ANGPTL6: variants seen among roughly 807,000 people sequenced by gnomAD.
ANGPTL6 encodes the protein angiopoietin-related protein 6.
In ANGPTL6, 45 loss-of-function variants were observed where a neutral mutation model predicts 47.4. That is an observed-to-expected ratio of 0.95 (90% confidence interval 0.75 to 1.22). ANGPTL6 has a LOEUF of 1.22. Ranked by LOEUF, ANGPTL6 falls within the 50% of genes most tolerant of loss-of-function variation. ANGPTL6 has a pLI of 0.00. For missense variants in ANGPTL6, 698 were observed against 669.4 expected (o/e 1.04, Z -0.47); for synonymous variants, 290 against 295.9 (o/e 0.98, Z 0.20).
chr19:10,094,929 G>A lies in ANGPTL6; in HGVS notation c.592C>T (p.Pro198Ser), dbSNP rs1422740517. 6.2e-7 allele frequency: 1 copy of A among 1,609,124 alleles called. No individual in the cohort carries two copies. Among genetic ancestry groups the A allele is most frequent in the African/African-American group, 1.3e-5 (1 of 74,760 alleles). Residue 198 changes from proline (P) to serine (S), a missense_variant, in exon 3 of 6, where the codon CCA becomes TCA. Physicochemically the swap from Pro to Ser is moderately conservative, Grantham distance 74. Transcript: ENST00000253109. ...GGAACCACAGGCACCAGTGGGGGTG[G>A]CGGCAGGACCTGGGGTGACGGAGAA... ...GAGGQQQVLP[P>S]PPLVPVVPVR...
At chr19:10,095,128 C>A (rs956376965) in intron 2 of ANGPTL6, among the ~76,000 whole-genome samples, 190 bp from the exon 3 acceptor site, 1 of 152,168 alleles carries the variant, frequency 6.6e-6, no homozygotes, top group African/African-American at 2.4e-5. Context: ...TGCAGACAGG[C>A]TGGGCGCTAT....
rs1233098220 is a variant in ANGPTL6, at chr19:10,096,386, T to TGGCGTTGGCGGCCTCG, written c.162_177dup (p.Ser60ArgfsTer158). On this transcript the variant is annotated frameshift_variant, in exon 2 of 6. Coordinates refer to ENST00000253109, the MANE Select transcript of ANGPTL6 (RefSeq NM_031917.3). LOFTEE classifies it high-confidence loss of function. ...CGCATGCGCAGCGCCGCCAGCTCGC[T>TGGCGTTGGCGGCCTCG]GGCGTTGGCGGCCTCGGGCGTCGCC... 2 of 1,301,872 alleles carry TGGCGTTGGCGGCCTCG rather than the reference T, an allele frequency of 1.5e-6. No homozygotes were observed. The highest frequency in any genetic ancestry group is 8.4e-5 in the Admixed American group (2 of 23,858). 80.6% of individuals were successfully genotyped at this position (1,301,872 alleles called of 1,614,324 possible). A position where few individuals can be genotyped will look rare whatever the true frequency, so the allele number is the denominator to read the frequency against.
At position 10,092,460 on chromosome 19, in the gene ANGPTL6, G is replaced by A. The variant is rs2088411877; in HGVS notation, c.*129C>T. On this transcript the variant is annotated 3_prime_UTR_variant, in exon 6 of 6. Transcript: ENST00000253109. ...CTGGGTCCCATTTTCAGCGCCCAGGGTCACAGATCCACAGTGGGAAGTTCT... is the reference window on the plus strand; with the variant it reads ...CTGGGTCCCATTTTCAGCGCCCAGGATCACAGATCCACAGTGGGAAGTTCT... 1 of 1,519,450 alleles carries A rather than the reference G, an allele frequency of 6.6e-7. No homozygotes were observed. The highest frequency in any genetic ancestry group is 2.1e-5 in the Admixed American group (1 of 47,090). The allele number at this position is 1,519,450 out of a possible 1,614,324, so 94.1% of individuals were successfully genotyped here. A position where few individuals can be genotyped will look rare whatever the true frequency, so the allele number is the denominator to read the frequency against.
intron 1 of ANGPTL6, among the ~76,000 whole-genome samples, chr19:10,096,971 C>T (rs2088562815): frequency 6.6e-6 from 1 of 150,422 alleles, no homozygotes; most frequent in Non-Finnish European, 1.5e-5. Flanking sequence ...TGGTGGTGCA[C>T]ACCTCTGGTC....
At chr19:10,105,143 C>T (rs1196171792), upstream of ANGPTL6, among the ~76,000 whole-genome samples, 5 of 152,204 alleles carry the variant, frequency 3.3e-5, no homozygotes, top group African/African-American at 4.8e-5. Context: ...CCGAGTAACT[C>T]GAGTGGACTC....
chr19:10,100,312 T>G (rs916358900), intron 1 of ANGPTL6, among the ~76,000 whole-genome samples: 2 of 151,880 alleles, frequency 1.3e-5, no homozygotes, highest in Non-Finnish European at 2.9e-5. Flanking sequence ...GGAGCAATCA[T>G]AGCTCACTGT....
chr19:10,096,595 A>C (rs931019018), intron 1 of ANGPTL6, 22 bp from the exon 2 acceptor site: 32 of 1,465,018 alleles, frequency 2.2e-5, no homozygotes, highest in Non-Finnish European at 2.8e-5. Flanking sequence ...GGAGGAACGG[A>C]AGGAAGACGG....
chr19:10,092,706 C>T lies in ANGPTL6; in HGVS notation c.1296G>A (p.Trp432Ter). ...ACAHSNLNGV[W>*]HHGGHYRSRY... ...GGCTTCGGTAGTGGCCGCCGTGGTG[C>T]CACACACCGTTGAGGTTGGAGTGGG... Residue 432 changes from tryptophan to a stop codon, truncating the protein, a stop_gained, in exon 6 of 6, where the codon TGG (tryptophan) becomes TGA (stop). Transcript: ENST00000253109. LOFTEE classifies it high-confidence loss of function. The T allele has an allele frequency of 6.2e-7, 1 of 1,614,004 alleles. No homozygotes were observed. The highest frequency in any genetic ancestry group is 8.5e-7 in the Non-Finnish European group (1 of 1,179,910).
intron 5 of ANGPTL6, 128 bp downstream of exon 5, chr19:10,093,221 G>T: frequency 7.9e-7 from 1 of 1,273,422 alleles, no homozygotes; most frequent in Non-Finnish European, 1.1e-6. Context: ...TCTCTTGACG[G>T]AATAAAAGCT....
intron 2 of ANGPTL6, among the ~76,000 whole-genome samples, chr19:10,095,155 C>G (rs970281062): frequency 1.1e-4 from 17 of 152,214 alleles, no homozygotes; most frequent in African/African-American, 4.1e-4. Context: ...TGCCTGTAAT[C>G]CCAGCACTTT....
Position 10,093,392 on chromosome 19 carries a change from GT to G in ANGPTL6, c.1178del (p.Asp393AlafsTer76), listed in dbSNP as rs750012211. 12 of 1,614,176 alleles carry G rather than the reference GT, an allele frequency of 7.4e-6. No homozygotes were observed. The South Asian group carries it at 1.2e-4, about 16-fold the overall frequency. On this transcript the variant is annotated frameshift_variant, in exon 5 of 6. Coordinates refer to ENST00000253109, the MANE Select transcript of ANGPTL6 (RefSeq NM_031917.3). LOFTEE classifies it high-confidence loss of function. Reference protein sequence around the residue: ...DAGDSLSWHNDKPFSTVDRDR... With the variant: ...DAGDSLSWHNXKPFSTVDRDR... ...CCCTATCCACGGTGCTGAAGGGCTTGTCATTGTGCCAGGAAAGAGAGTCTCC... is the reference window on the plus strand; with the variant it reads ...CCCTATCCACGGTGCTGAAGGGCTTGCATTGTGCCAGGAAAGAGAGTCTCC...
At position 10,096,258 on chromosome 19, in the gene ANGPTL6, G is replaced by A. The variant is rs1274038406; in HGVS notation, c.306C>T (p.Gly102=). 5 of 1,188,098 alleles carry A rather than the reference G, an allele frequency of 4.2e-6. No individual in the cohort carries two copies. The highest frequency in any genetic ancestry group is 3.7e-5 in the East Asian group (1 of 26,996). The allele number at this position is 1,188,098 out of a possible 1,614,324, so 73.6% of individuals were successfully genotyped here. A position where few individuals can be genotyped will look rare whatever the true frequency, so the allele number is the denominator to read the frequency against. ...EVRALRKESR[G]LSARLGQLRA... is the part of the protein sequence containing the mutation. Reference sequence around the variant, plus strand: ...GCAACTGGCCCAGGCGCGCGCTCAGGCCGCGGCTCTCCTTGCGCAGCGCGC... The same window carrying A: ...GCAACTGGCCCAGGCGCGCGCTCAGACCGCGGCTCTCCTTGCGCAGCGCGC... The change falls in exon 2 of 6, where the codon GGC becomes GGT. Residue 102 remains glycine, a synonymous_variant. Coordinates refer to ENST00000253109, the MANE Select transcript of ANGPTL6 (RefSeq NM_031917.3).
chr19:10,102,438 G>T, intron 1 of ANGPTL6, 130 bp downstream of exon 1: 1 of 494,224 alleles, frequency 2.0e-6, no homozygotes, highest in Non-Finnish European at 2.6e-6. Flanking sequence ...TGGGACGTGT[G>T]TATAACACCC....
rs1179262613 is a variant in ANGPTL6, at chr19:10,092,764, T to C, written c.1238A>G (p.Tyr413Cys). 6 of 1,604,768 alleles carry C rather than the reference T, an allele frequency of 3.7e-6. No homozygotes were observed. Among genetic ancestry groups the C allele is most frequent in the Non-Finnish European group, 5.1e-6 (6 of 1,172,720 alleles). Residue 413 changes from tyrosine (Y) to cysteine (C), a missense_variant, in exon 6 of 6, where the codon TAC (tyrosine) becomes TGC (cysteine). Tyr to Cys is a radical substitution (Grantham distance 194, BLOSUM62 -2). Coordinates refer to ENST00000253109, the MANE Select transcript of ANGPTL6 (RefSeq NM_031917.3). ...RDSYSGNCAL[Y>C]QRGGWWYHAC... ...ATGGTACCACCAGCCTCCCCGCTGG[T>C]ACAGGGCACAGTTACCTGAGGGGAG... is the stretch of plus-strand genomic sequence containing the variant.
upstream of ANGPTL6, chr19:10,102,919 G>T: frequency 2.6e-6 from 1 of 390,228 alleles, no homozygotes; most frequent in Non-Finnish European, 3.5e-6. Context: ...AGCGTGGGAG[G>T]CTGCAGGCCC....
rs957865568 is a variant in ANGPTL6, at chr19:10,097,046, C to T, written c.-10-473G>A. On this transcript the variant is annotated intron_variant, in intron 1 of 5. Coordinates refer to ENST00000253109, the MANE Select transcript of ANGPTL6 (RefSeq NM_031917.3). Reference sequence around the variant, plus strand: ...CCCAGGAGTTCAAGGCTTCAGTGAGCCATGATCGCTCCCCTGCACTCCAGC... The same window carrying T: ...CCCAGGAGTTCAAGGCTTCAGTGAGTCATGATCGCTCCCCTGCACTCCAGC... Among the ~76,000 whole-genome samples the T allele has an allele frequency of 2.0e-5, 3 of 152,140 alleles. No individual in the cohort carries two copies. The East Asian group carries it at 5.8e-4, about 29-fold the overall frequency.
chr19:10,102,287 G>A (rs1229355332), intron 1 of ANGPTL6, among the ~76,000 whole-genome samples: 7 of 151,528 alleles, frequency 4.6e-5, no homozygotes, highest in Non-Finnish European at 8.9e-5. Flanking sequence ...GGAGGGTTCT[G>A]GGCTGGAGAT....
intron 1 of ANGPTL6, 24 bp from the exon 2 acceptor site, chr19:10,096,597 G>T: frequency 6.8e-7 from 1 of 1,459,862 alleles, no homozygotes; most frequent in South Asian, 1.3e-5. Flanking sequence ...AGGAACGGAA[G>T]GAAGACGGGG....
chr19:10,092,675 G>C lies in ANGPTL6; in HGVS notation c.1327C>G (p.Gln443Glu). The stretch of plus-strand genomic sequence containing the variant: ...AACTCAGCCCAGTAGACACCATCCT[G>C]GTAGCGGCTTCGGTAGTGGCCGCCG... ...HHGGHYRSRY[Q>E]DGVYWAEFRG... Residue 443 changes from glutamine to glutamate, a missense_variant, in exon 6 of 6, where the codon CAG becomes GAG. Transcript: ENST00000253109. 1 of 1,614,060 alleles carries C rather than the reference G, an allele frequency of 6.2e-7. No individual in the cohort carries two copies. The highest frequency in any genetic ancestry group is 8.5e-7 in the Non-Finnish European group (1 of 1,179,936).
Sources: gnomAD v4.1 joint callset for allele counts (sites outside exome capture counted in the v4.1 genomes callset) on GRCh38, gnomAD v4.1.1 for gene constraint, MANE v1.5 for transcripts, NCBI Gene and HGNC (gene_info 2026-07-23, HGNC 2026-07-21) for gene names.